The following NEMP2 variants were observed in gnomAD, a reference collection of about 807,000 sequenced individuals.
NEMP2 encodes UPF0571 transmembrane protein.
In NEMP2, 53 loss-of-function variants were observed where a neutral mutation model predicts 54.2. The ratio of observed to expected loss-of-function variants is 0.98; its 90% CI spans 0.78 to 1.23. NEMP2 has a LOEUF of 1.23. Ranked by LOEUF, NEMP2 falls within the 50% of genes most tolerant of loss-of-function variation. NEMP2 has a pLI of 0.00. For synonymous variants in NEMP2, 197 were observed against 190.3 expected (o/e 1.04, Z -0.29); for missense variants, 455 against 511.3 (o/e 0.89, Z 1.06).
the NEMP2 span, chr2:190,609,466 G>A: frequency 6.6e-6 from 1 of 151,928 alleles, no homozygotes; most frequent in Non-Finnish European, 1.5e-5. The surrounding 1 kb of genome is among the most constrained non-coding windows in gnomAD (Gnocchi z 4.7). Flanking sequence ...AATAAAACTT[G>A]TTTAATCCTA....
the NEMP2 span, among the ~76,000 whole-genome samples, chr2:190,635,571 T>C: frequency 9.6e-3 from 1,461 of 152,350 alleles, 31 homozygotes; most frequent in African/African-American, 0.034. The surrounding 1 kb of genome is among the most constrained non-coding windows in gnomAD (Gnocchi z 4.1). Flanking sequence ...GATTCTTCCA[T>C]GGGAGATATG....
the NEMP2 span, among the ~76,000 whole-genome samples, chr2:190,423,223 C>T: frequency 1.3e-5 from 2 of 152,156 alleles, no homozygotes; most frequent in African/African-American, 4.8e-5. The surrounding 1 kb of genome is among the most constrained non-coding windows in gnomAD (Gnocchi z 4.3). Context: ...AGATACAGAA[C>T]ATTTCTCTCT....
At chr2:190,489,979 C>T in the NEMP2 span, 2 of 813,354 alleles carry the variant, frequency 2.5e-6, no homozygotes, top group East Asian at 2.8e-5. The surrounding 1 kb of genome is among the most constrained non-coding windows in gnomAD (Gnocchi z 6.6). Flanking sequence ...CTGTTTGGCT[C>T]AATTTTCTGA....
chr2:190,553,728 T>G, the NEMP2 span, among the ~76,000 whole-genome samples: 1 of 149,194 alleles, frequency 6.7e-6, no homozygotes, highest in African/African-American at 2.4e-5. Context: ...AGAACATTTC[T>G]GGTGATTGTG....
the NEMP2 span, among the ~76,000 whole-genome samples, chr2:190,484,907 G>A: frequency 6.6e-6 from 1 of 152,046 alleles, no homozygotes; most frequent in African/African-American, 2.4e-5. Flanking sequence ...TCTGCTTTTA[G>A]TATCAGAAAT....
the NEMP2 span, among the ~76,000 whole-genome samples, chr2:190,550,406 C>T: frequency 2.0e-5 from 3 of 152,220 alleles, no homozygotes; most frequent in South Asian, 4.1e-4. The surrounding 1 kb of genome is among the most constrained non-coding windows in gnomAD (Gnocchi z 4.7). Flanking sequence ...AACCTAATCC[C>T]CCGACAAGGC....
At chr2:190,482,903 T>TTTTTTTTTTTTTTTG in the NEMP2 span, among the ~76,000 whole-genome samples, 482 of 86,230 alleles carry the variant, frequency 5.6e-3, 185 homozygotes, top group Middle Eastern at 7.5e-3. Context: ...TTTTTTTTTT[T>TTTTTTTTTTTTTTTG]AGACGGAGTC....
chr2:190,461,447 T>G, the NEMP2 span, among the ~76,000 whole-genome samples: 1 of 152,260 alleles, frequency 6.6e-6, no homozygotes, highest in Non-Finnish European at 1.5e-5. The surrounding 1 kb of genome is among the most constrained non-coding windows in gnomAD (Gnocchi z 5.5). Flanking sequence ...AGTATGTAGC[T>G]GTATGTGTCA....
chr2:190,532,134 A>C (rs947319542), intron 1 of NEMP2, among the ~76,000 whole-genome samples: 12 of 152,224 alleles, frequency 7.9e-5, no homozygotes, highest in Non-Finnish European at 1.6e-4. Flanking sequence ...CAAAAAACCA[A>C]CAAGTCTTAA....
chr2:190,571,560 T>C, the NEMP2 span, among the ~76,000 whole-genome samples: 1 of 151,324 alleles, frequency 6.6e-6, no homozygotes, highest in Admixed American at 6.6e-5. Flanking sequence ...ATAATAATAA[T>C]AATAATAATA....
rs540697192 is a variant in NEMP2, at chr2:190,510,420, G to A, written c.1071C>T (p.Ala357=). 1 of 1,551,724 alleles carries A rather than the reference G, an allele frequency of 6.4e-7. No individual in the cohort carries two copies. Among genetic ancestry groups the A allele is most frequent in the African/African-American group, 1.4e-5 (1 of 73,160 alleles). Residue 357 remains alanine (A), a synonymous_variant, in exon 8 of 9, where the codon GCC becomes GCT. Transcript: ENST00000409150. This position sits in a 1 kb window ranked among gnomAD's most constrained non-coding sequence, Gnocchi z 5.7. ...ATGAGGGAAAGTCGGGTTTTCGGCA[G>A]GCCCGGCGTAGCTCCTCCAGAGCAC... ...TNSALEELRR[A]CRKPDFPSWL...
chr2:190,575,881 G>GA, the NEMP2 span, among the ~76,000 whole-genome samples: 40 of 145,704 alleles, frequency 2.7e-4, no homozygotes, highest in Non-Finnish European at 4.7e-4. Flanking sequence ...GAAAGAAAAA[G>GA]AAAAAAAAAG....
the NEMP2 span, among the ~76,000 whole-genome samples, chr2:190,621,287 C>A: frequency 4.6e-5 from 7 of 152,322 alleles, no homozygotes; most frequent in East Asian, 1.3e-3. Context: ...TCCTAGGCTA[C>A]AAACTTGTAC....
the NEMP2 span, among the ~76,000 whole-genome samples, chr2:190,470,703 G>T: frequency 6.6e-6 from 1 of 152,176 alleles, no homozygotes; most frequent in East Asian, 1.9e-4. Context: ...AGACAAATGC[G>T]GTGTAATCAA....
the NEMP2 span, among the ~76,000 whole-genome samples, chr2:190,433,983 G>T: frequency 6.6e-6 from 1 of 152,104 alleles, no homozygotes; most frequent in African/African-American, 2.4e-5. This position sits in a 1 kb window ranked among gnomAD's most constrained non-coding sequence, Gnocchi z 4.5. Context: ...TTGAGCCCAG[G>T]AGTTGGAGAA....
the NEMP2 span, among the ~76,000 whole-genome samples, chr2:190,612,182 G>A: frequency 7.7e-6 from 1 of 129,658 alleles, no homozygotes; most frequent in Non-Finnish European, 1.6e-5. Context: ...TTGAGATGGA[G>A]TCTCGCTCTG....
At chr2:190,552,415 G>C in the NEMP2 span, among the ~76,000 whole-genome samples, 1 of 152,126 alleles carries the variant, frequency 6.6e-6, no homozygotes, top group Non-Finnish European at 1.5e-5. Flanking sequence ...CATCTTCCCA[G>C]AACCCACTGA....
chr2:190,469,665 A>G, the NEMP2 span: 1 of 657,094 alleles, frequency 1.5e-6, no homozygotes, highest in Non-Finnish European at 2.2e-6. This position sits in a 1 kb window ranked among gnomAD's most constrained non-coding sequence, Gnocchi z 5.3. Flanking sequence ...TAATATTTGC[A>G]TGTTTTGTAC....
the NEMP2 span, chr2:190,497,320 A>C: frequency 4.5e-6 from 5 of 1,114,592 alleles, no homozygotes; most frequent in African/African-American, 7.9e-5. This position sits in a 1 kb window ranked among gnomAD's most constrained non-coding sequence, Gnocchi z 5.2. Flanking sequence ...CAATTTATTA[A>C]TATTATCAAG....
Sources: allele counts gnomAD v4.1 joint callset (sites outside exome capture counted in the v4.1 genomes callset), GRCh38; gene constraint gnomAD v4.1.1; non-coding constraint Gnocchi (gnomAD v3.1); transcripts MANE v1.5; gene names NCBI Gene and HGNC (gene_info 2026-07-23, HGNC 2026-07-21).